The following PPP6C variants were observed in gnomAD, a reference collection of about 807,000 sequenced individuals.
PPP6C encodes serine/threonine-protein phosphatase 6 catalytic subunit.
Under a neutral mutation model 39.8 loss-of-function variants are expected in PPP6C, and 11 were observed. That is an observed-to-expected ratio of 0.28 (90% CI 0.17 to 0.46). The LOEUF is 0.46. Among genes scored for constraint, PPP6C ranks in the 20% least tolerant of loss-of-function variants. The pLI is 1.00. For synonymous variants in PPP6C, 129 were observed against 130.3 expected (o/e 0.99, Z 0.07); for missense variants, 211 against 373.9 (o/e 0.56, Z 3.59).
intron 3 of PPP6C, among the ~76,000 whole-genome samples, chr9:125,159,681 C>T (rs1828811285): frequency 6.6e-6 from 1 of 152,166 alleles, no homozygotes; most frequent in Admixed American, 6.6e-5. Flanking sequence ...TAATGTCTGA[C>T]TTGGGCCAAT....
intron 4 of PPP6C, among the ~76,000 whole-genome samples, chr9:125,157,727 T>A (rs914695492): frequency 3.4e-5 from 5 of 148,384 alleles, no homozygotes; most frequent in Non-Finnish European, 7.4e-5. Context: ...AGTCTCCCTA[T>A]GTCGCCAGGC....
chr9:125,187,900 C>G (rs769341066), intron 1 of PPP6C, among the ~76,000 whole-genome samples: 1 of 151,942 alleles, frequency 6.6e-6, no homozygotes, highest in Non-Finnish European at 1.5e-5. Context: ...CTATTAAAAA[C>G]GGGAAAATGC....
intron 2 of PPP6C, among the ~76,000 whole-genome samples, chr9:125,163,911 G>T (rs10986598): frequency 0.24 from 35,101 of 148,374 alleles, 4,624 homozygotes; most frequent in Middle Eastern, 0.31. Context: ...GCAATGGCAC[G>T]ATCTCAGCTC....
chr9:125,180,054 T>G (rs1020975096), intron 1 of PPP6C, among the ~76,000 whole-genome samples: 9 of 152,166 alleles, frequency 5.9e-5, no homozygotes, highest in African/African-American at 2.2e-4. Flanking sequence ...ATATTCACAG[T>G]GGTGGCAACC....
intron 2 of PPP6C, among the ~76,000 whole-genome samples, chr9:125,163,577 C>T (rs1397455292): frequency 6.6e-6 from 1 of 150,584 alleles, no homozygotes; most frequent in Non-Finnish European, 1.5e-5. Flanking sequence ...ATTACAGGCG[C>T]GTGCCAACAG....
intron 1 of PPP6C, among the ~76,000 whole-genome samples, chr9:125,175,106 G>A (rs1448099334): frequency 6.6e-6 from 1 of 151,694 alleles, no homozygotes; most frequent in Non-Finnish European, 1.5e-5. Flanking sequence ...TACTTGGGAG[G>A]CTGAGGCAGG....
rs765329692 is a variant in PPP6C at position 125,153,578 on chromosome 9, A to G, written c.624T>C (p.Ser208=). ...CAAAAAGCCAACCTGCTCCTCGGGGACTGATAGCCCAGGTATCCACATCTT... is the reference window on the plus strand; with the variant it reads ...CAAAAAGCCAACCTGCTCCTCGGGGGCTGATAGCCCAGGTATCCACATCTT... The part of the protein sequence containing the change: ...DPEDVDTWAI[S]PRGAGWLFGA... The change falls in exon 6 of 7, where the codon AGT becomes AGC. Residue 208 remains serine (S), a synonymous_variant. Coordinates refer to ENST00000373547, the MANE Select transcript of PPP6C (RefSeq NM_002721.5). The G allele has an allele frequency of 8.7e-6, 14 of 1,614,152 alleles. No homozygotes were observed. In the East Asian group the frequency reaches 2.9e-4, roughly 33 times the overall value.
chr9:125,172,494 C>T (rs1004323702), intron 1 of PPP6C, among the ~76,000 whole-genome samples: 1 of 152,112 alleles, frequency 6.6e-6, no homozygotes, highest in African/African-American at 2.4e-5. Flanking sequence ...GGCATTGAGC[C>T]ACTGCACTCG....
At chr9:125,179,738 C>T (rs1270052013) in intron 1 of PPP6C, among the ~76,000 whole-genome samples, 1 of 151,438 alleles carries the variant, frequency 6.6e-6, no homozygotes, top group Non-Finnish European at 1.5e-5. Context: ...TCACTGCAAC[C>T]TCCACCTCCC....
At position 125,173,404 on chromosome 9, in the gene PPP6C, C is replaced by CAA. The variant is rs1157793278; in HGVS notation, c.76-2226_76-2225dup. Among the ~76,000 whole-genome samples, 305 of 50,474 alleles carry CAA rather than the reference C, an allele frequency of 6.0e-3. 1 individual carries two copies. Among genetic ancestry groups the CAA allele is most frequent in the African/African-American group, 0.01 (117 of 11,688 alleles). The allele number at this position is 50,474 out of a possible 152,430, so 33.1% of individuals were successfully genotyped here. On this transcript the variant is annotated intron_variant, in intron 1 of 6. Coordinates refer to ENST00000373547, the MANE Select transcript of PPP6C (RefSeq NM_002721.5). Reference sequence around the variant, plus strand: ...CCTGGGCAGCAGAGAGACTCCCTCTCAAAAAAAAAAAAAAAAAAAAAAAAA... The same window carrying CAA: ...CCTGGGCAGCAGAGAGACTCCCTCTCAAAAAAAAAAAAAAAAAAAAAAAAAAA...
In PPP6C at chr9:125,148,652, T is replaced by A. The variant is rs1303680240; in HGVS notation, c.*1021A>T. 1 of 152,220 alleles carries A rather than the reference T, an allele frequency of 6.6e-6. No homozygotes were observed. The highest frequency in any genetic ancestry group is 6.5e-5 in the Admixed American group (1 of 15,274). The allele number at this position is 152,220 out of a possible 1,614,324, so 9.4% of individuals were successfully genotyped here. ...GTCAAGTGTTACAGCAAGAGAAGAA[T>A]GATTCCTATTGAAAAGCACATAGAT... On this transcript the variant is annotated 3_prime_UTR_variant, in exon 7 of 7. Transcript: ENST00000373547.
At chr9:125,177,856 C>CTA (rs1275483326) in intron 1 of PPP6C, among the ~76,000 whole-genome samples, 1 of 152,176 alleles carries the variant, frequency 6.6e-6, no homozygotes, top group Non-Finnish European at 1.5e-5. Flanking sequence ...TTTACTGTCT[C>CTA]TATAGTTTTG....
intron 3 of PPP6C, among the ~76,000 whole-genome samples, chr9:125,159,212 AT>A (rs746652999): frequency 0.018 from 1,739 of 96,406 alleles, 21 homozygotes; most frequent in African/African-American, 0.05. Context: ...CTAATTTTGT[AT>A]TTTTTTTTTT....
At chr9:125,177,230 C>T (rs1018037816) in intron 1 of PPP6C, among the ~76,000 whole-genome samples, 4 of 151,888 alleles carry the variant, frequency 2.6e-5, no homozygotes, top group South Asian at 2.1e-4. Context: ...AAAAATTAGC[C>T]GGGCGTGGTG....
At chr9:125,174,781 A>G (rs1390566633) in intron 1 of PPP6C, among the ~76,000 whole-genome samples, 1 of 152,054 alleles carries the variant, frequency 6.6e-6, no homozygotes, top group Non-Finnish European at 1.5e-5. Flanking sequence ...CAGTAGAGGC[A>G]CGTACCTGTA....
intron 1 of PPP6C, among the ~76,000 whole-genome samples, chr9:125,184,651 G>T (rs1040744927): frequency 6.6e-6 from 1 of 151,808 alleles, no homozygotes; most frequent in Non-Finnish European, 1.5e-5. Context: ...ATCACATACA[G>T]GGCAGTGTTC....
intron 3 of PPP6C, 88 bp from the exon 4 acceptor site, chr9:125,158,470 A>AT (rs1354553252): frequency 7.9e-7 from 1 of 1,273,860 alleles, no homozygotes; most frequent in Non-Finnish European, 1.1e-6. Context: ...CATATAGTTT[A>AT]TAACTACAAT....
rs1244175887 is a variant in PPP6C, at chr9:125,147,151, T to G, written c.*2522A>C. 6.6e-6 allele frequency: 1 copy of G among 152,268 alleles called. No individual in the cohort carries two copies. Among genetic ancestry groups the G allele is most frequent in the Non-Finnish European group, 1.5e-5 (1 of 68,024 alleles). The allele number at this position is 152,268 out of a possible 1,614,324, so 9.4% of individuals were successfully genotyped here. A position where few individuals can be genotyped will look rare whatever the true frequency, so the allele number is the denominator to read the frequency against. On this transcript the variant is annotated 3_prime_UTR_variant, in exon 7 of 7. Transcript: ENST00000373547. ...TAGTGAAACTTTTTGGGGAAACACA[T>G]TAACTTATAAAAAGCTAGCCAAGAG...
At chr9:125,164,965 T>C (rs1368784132) in intron 2 of PPP6C, among the ~76,000 whole-genome samples, 2 of 151,748 alleles carry the variant, frequency 1.3e-5, no homozygotes, top group Non-Finnish European at 2.9e-5. Context: ...TCTTGATCTC[T>C]TGACCTCGTG....
Sources: gnomAD v4.1 joint callset for allele counts (sites outside exome capture counted in the v4.1 genomes callset) on GRCh38, gnomAD v4.1.1 for gene constraint, MANE v1.5 for transcripts, NCBI Gene and HGNC (gene_info 2026-07-23, HGNC 2026-07-21) for gene names.